C1orf105: variants seen among roughly 807,000 people sequenced by gnomAD.
The protein encoded by C1orf105 is uncharacterized protein C1orf105.
A neutral mutation model predicts 20.8 loss-of-function variants in C1orf105; 17 were observed. That is an observed-to-expected ratio of 0.82 (90% CI 0.56 to 1.23). The LOEUF (loss-of-function observed/expected upper bound fraction) is 1.23. Among genes scored for constraint, C1orf105 ranks in the 50% most tolerant of loss-of-function variants. The pLI is 0.00. For synonymous variants in C1orf105, 72 were observed against 72.1 expected, an observed-to-expected ratio of 1.00 and a Z score of 0.01; for missense variants, 219 against 213.5, an observed-to-expected ratio of 1.03 and a Z score of -0.16.
intron 5 of C1orf105, among the ~76,000 whole-genome samples, chr1:172,464,788 T>C (rs74126247): frequency 1.3e-3 from 203 of 152,190 alleles, no homozygotes; most frequent in African/African-American, 4.3e-3. Context: ...CAAAAAGAGA[T>C]TGAGAATTAG....
chr1:172,424,767 CCT>C (rs2071681742), intron 1 of C1orf105, among the ~76,000 whole-genome samples: 1 of 152,160 alleles, frequency 6.6e-6, no homozygotes, highest in African/African-American at 2.4e-5. Flanking sequence ...ATTCCTTCTG[CCT>C]CTTTTTTTTT....
intron 1 of C1orf105, chr1:172,442,508 T>C: frequency 1.2e-6 from 2 of 1,614,176 alleles, no homozygotes; most frequent in Non-Finnish European, 8.5e-7. Flanking sequence ...TGGATGTTTT[T>C]CCGGAGCTCT....
At chr1:172,430,615 T>G (rs897793116) in intron 1 of C1orf105, among the ~76,000 whole-genome samples, 5 of 152,080 alleles carry the variant, frequency 3.3e-5, no homozygotes, top group Non-Finnish European at 7.3e-5. Flanking sequence ...ATTTTTTAAA[T>G]TTTTTGTAGA....
At chr1:172,453,097 C>T (rs1648837670) in intron 3 of C1orf105, 6 of 1,550,774 alleles carry the variant, frequency 3.9e-6, no homozygotes, top group Admixed American at 2.0e-5. Flanking sequence ...TCACAGCTGC[C>T]TTCCACGACT....
At chr1:172,462,052 C>A in intron 4 of C1orf105, 126 bp from the exon 5 acceptor site, 1 of 704,064 alleles carries the variant, frequency 1.4e-6, no homozygotes, top group Non-Finnish European at 2.4e-6. Context: ...TGGTCATTCA[C>A]ATCACAAAAG....
At chr1:172,420,992 C>T in intron 1 of C1orf105, 86 bp downstream of exon 1, 1 of 1,227,706 alleles carries the variant, frequency 8.1e-7, no homozygotes, top group Non-Finnish European at 1.2e-6. Flanking sequence ...GCCACATAAA[C>T]ATTGAGGGGT....
At position 172,437,585 on chromosome 1, in the gene C1orf105, G is replaced by C. The variant is rs1023022131; in HGVS notation, c.22-7488G>C. ...AACATCACACACTGGGGCCTGCCGG[G>C]GGGTGGGGGGAGGGGGGAGGGATAG... On this transcript the variant is annotated intron_variant, in intron 1 of 6. Coordinates refer to ENST00000367727, the MANE Select transcript of C1orf105 (RefSeq NM_139240.4). 2.5e-5 allele frequency among the ~76,000 whole-genome samples: 3 copies of C among 118,066 alleles called. No individual in the cohort carries two copies. In the Admixed American group the frequency reaches 2.7e-4, roughly 11 times the overall value. 77.5% of individuals were successfully genotyped at this position (118,066 alleles called of 152,430 possible).
At chr1:172,449,338 A>C (rs2149177809) in intron 3 of C1orf105, among the ~76,000 whole-genome samples, 1 of 152,298 alleles carries the variant, frequency 6.6e-6, no homozygotes. Flanking sequence ...TCTCAGAAAC[A>C]GGGCACAGCA....
intron 1 of C1orf105, among the ~76,000 whole-genome samples, chr1:172,431,660 C>A (rs1389837372): frequency 6.6e-6 from 1 of 152,232 alleles, no homozygotes; most frequent in Non-Finnish European, 1.5e-5. Flanking sequence ...GTCTGCAGCT[C>A]CCGGCGTGAT....
At chr1:172,456,265 C>A in intron 3 of C1orf105, 150 bp from the exon 4 acceptor site, 1 of 695,762 alleles carries the variant, frequency 1.4e-6, no homozygotes, top group Non-Finnish European at 2.5e-6. Flanking sequence ...TCAACACCCA[C>A]CCTGGATGGG....
intron 1 of C1orf105, among the ~76,000 whole-genome samples, 165 bp downstream of exon 1, chr1:172,421,071 C>G (rs1429177096): frequency 6.6e-6 from 1 of 152,174 alleles, no homozygotes; most frequent in East Asian, 1.9e-4. Flanking sequence ...TGTTCAGTTA[C>G]AGGTGAAGAT....
intron 2 of C1orf105, 47 bp from the exon 3 acceptor site, chr1:172,448,394 C>A (rs1648248752): frequency 1.5e-6 from 2 of 1,326,246 alleles, no homozygotes; most frequent in Admixed American, 3.6e-5. Flanking sequence ...CCTGGCTCTT[C>A]AAACATGGGA....
At chr1:172,467,280 C>T (rs1193281835) in intron 6 of C1orf105, among the ~76,000 whole-genome samples, 1 of 152,206 alleles carries the variant, frequency 6.6e-6, no homozygotes, top group Non-Finnish European at 1.5e-5. Context: ...CAGTGAACAA[C>T]ATTACTGCCA....
In C1orf105 at chr1:172,420,916, A is replaced by C. The variant is rs2071568218; in HGVS notation, c.21+10A>C. 1.2e-6 allele frequency: 2 copies of C among 1,602,550 alleles called. No homozygotes were observed. Among genetic ancestry groups the C allele is most frequent in the Non-Finnish European group, 1.7e-6 (2 of 1,170,252 alleles). Reference sequence around the variant, plus strand: ...AAAAAGAGAACTAAAGGTAGGAAAAAAATAAATGAAACTTCCAATTCTTTC... The same window carrying C: ...AAAAAGAGAACTAAAGGTAGGAAAACAATAAATGAAACTTCCAATTCTTTC... On this transcript the variant is annotated intron_variant, in intron 1 of 6. Coordinates refer to ENST00000367727, the MANE Select transcript of C1orf105 (RefSeq NM_139240.4).
intron 4 of C1orf105, among the ~76,000 whole-genome samples, chr1:172,461,445 T>C (rs1649687713): frequency 6.6e-6 from 1 of 152,214 alleles, no homozygotes; most frequent in African/African-American, 2.4e-5. Context: ...TTATTATAGC[T>C]ACAATAATTT....
At chr1:172,426,143 G>C (rs1360383738) in intron 1 of C1orf105, among the ~76,000 whole-genome samples, 1 of 151,944 alleles carries the variant, frequency 6.6e-6, no homozygotes, top group Non-Finnish European at 1.5e-5. Flanking sequence ...CTATTCTCTG[G>C]ATATGCACTT....
At chr1:172,429,249 C>G (rs201720585) in intron 1 of C1orf105, among the ~76,000 whole-genome samples, 5 of 109,964 alleles carry the variant, frequency 4.5e-5, no homozygotes, top group Non-Finnish European at 8.1e-5. Flanking sequence ...CACACACACA[C>G]ACACACAGAC....
At chr1:172,428,373 T>C (rs1001664413) in intron 1 of C1orf105, among the ~76,000 whole-genome samples, 1 of 152,242 alleles carries the variant, frequency 6.6e-6, no homozygotes, top group African/African-American at 2.4e-5. Context: ...CAATGGCTCC[T>C]ATCTCAGAGT....
intron 1 of C1orf105, among the ~76,000 whole-genome samples, chr1:172,434,056 A>G (rs2071957526): frequency 1.3e-5 from 2 of 152,250 alleles, no homozygotes; most frequent in Admixed American, 1.3e-4. Flanking sequence ...AGAGCTAACT[A>G]TCCTAAATAT....
Sources: allele counts gnomAD v4.1 joint callset (sites outside exome capture counted in the v4.1 genomes callset), GRCh38; gene constraint gnomAD v4.1.1; transcripts MANE v1.5; gene names NCBI Gene and HGNC (gene_info 2026-07-23, HGNC 2026-07-21).